Variants in NCK2 observed in about 807,000 individuals in gnomAD.
NCK2 encodes cytoplasmic protein NCK2.
In NCK2, 16 loss-of-function variants were observed where a neutral mutation model predicts 33.9. The ratio of observed to expected loss-of-function variants is 0.47; its 90% CI spans 0.32 to 0.72. NCK2 has a LOEUF of 0.72. Among genes scored for constraint, NCK2 ranks in the 30% least tolerant of loss-of-function variants. The pLI is 0.03. For missense variants in NCK2, 418 were observed against 537.3 expected, an observed-to-expected ratio of 0.78 and a Z score of 2.19; for synonymous variants, 273 against 239.9, an observed-to-expected ratio of 1.14 and a Z score of -1.27.
At chr2:105,751,397 C>CCTGA (rs1689451401) in intron 1 of NCK2, among the ~76,000 whole-genome samples, 1 of 151,962 alleles carries the variant, frequency 6.6e-6, no homozygotes, top group Non-Finnish European at 1.5e-5. Context: ...GTGACTGCAC[C>CCTGA]CTGACAGTCA....
intron 1 of NCK2, among the ~76,000 whole-genome samples, chr2:105,763,502 C>T (rs1371413930): frequency 1.3e-5 from 2 of 152,000 alleles, no homozygotes; most frequent in African/African-American, 4.8e-5. Context: ...TGGATAAAAG[C>T]CTAGTTGTTG....
intron 1 of NCK2, among the ~76,000 whole-genome samples, chr2:105,766,886 T>C (rs532646951): frequency 2.0e-5 from 3 of 152,246 alleles, no homozygotes; most frequent in Non-Finnish European, 2.9e-5. Flanking sequence ...ATTAGTTTAG[T>C]AACTGGCTGG....
intron 1 of NCK2, among the ~76,000 whole-genome samples, chr2:105,771,522 G>A (rs1171933345): frequency 6.6e-6 from 1 of 152,098 alleles, no homozygotes; most frequent in Admixed American, 6.5e-5. Context: ...CCGAGATTGG[G>A]CCACTGTACT....
chr2:105,776,304 A>C (rs1026393737), intron 1 of NCK2, among the ~76,000 whole-genome samples: 1 of 152,256 alleles, frequency 6.6e-6, no homozygotes, highest in East Asian at 1.9e-4. Context: ...CTTTATTTCT[A>C]TAAGTCCTCC....
At chr2:105,791,260 C>T (rs546386576) in intron 1 of NCK2, among the ~76,000 whole-genome samples, 1 of 152,292 alleles carries the variant, frequency 6.6e-6, no homozygotes, top group African/African-American at 2.4e-5. Context: ...TCTAGAGAAA[C>T]CTGAGGCAGT....
intron 1 of NCK2, among the ~76,000 whole-genome samples, chr2:105,758,490 A>T (rs1689664702): frequency 6.8e-6 from 1 of 147,532 alleles, no homozygotes; most frequent in Admixed American, 6.9e-5. Flanking sequence ...GGCTCACTGC[A>T]ACCTCTGTCC....
At chr2:105,847,069 G>A (rs981973212) in intron 2 of NCK2, 3 of 152,256 alleles carry the variant, frequency 2.0e-5, no homozygotes, top group Non-Finnish European at 4.4e-5. Context: ...ACAAATAGAC[G>A]GACAAGTGAT....
At chr2:105,824,184 C>T (rs1210151857) in intron 2 of NCK2, among the ~76,000 whole-genome samples, 1 of 150,598 alleles carries the variant, frequency 6.6e-6, no homozygotes, top group African/African-American at 2.5e-5. Flanking sequence ...GTGTGAGTGC[C>T]CCCTCCCTTT....
chr2:105,767,731 C>T (rs1309069817), intron 1 of NCK2, among the ~76,000 whole-genome samples: 1 of 152,178 alleles, frequency 6.6e-6, no homozygotes, highest in East Asian at 1.9e-4. Context: ...ATTGGAGTCC[C>T]TGCTTTGTCC....
At chr2:105,876,753 G>A (rs1395437216) in intron 3 of NCK2, among the ~76,000 whole-genome samples, 3 of 152,234 alleles carry the variant, frequency 2.0e-5, no homozygotes, top group Non-Finnish European at 1.5e-5. Flanking sequence ...TTTAATGAAA[G>A]ATGAGGCGAT....
intron 1 of NCK2, among the ~76,000 whole-genome samples, chr2:105,756,043 G>T (rs1689590625): frequency 6.6e-6 from 1 of 152,214 alleles, no homozygotes; most frequent in Non-Finnish European, 1.5e-5. Flanking sequence ...CTGCAAAGCT[G>T]CCTGTTACCT....
intron 2 of NCK2, among the ~76,000 whole-genome samples, chr2:105,825,084 G>T (rs1017291929): frequency 3.3e-5 from 5 of 152,168 alleles, no homozygotes; most frequent in Admixed American, 1.3e-4. Context: ...AGGTAGACAT[G>T]GCCTGGCTCC....
At chr2:105,782,729 C>G (rs1379563165) in intron 1 of NCK2, among the ~76,000 whole-genome samples, 1 of 152,202 alleles carries the variant, frequency 6.6e-6, no homozygotes, top group Non-Finnish European at 1.5e-5. Context: ...TGGGCTGCAG[C>G]TGCCTGTAGA....
At position 105,881,648 on chromosome 2, in the gene NCK2, C is replaced by T. The variant is rs1468183226; in HGVS notation, c.547C>T (p.Arg183Cys). 1.2e-6 allele frequency: 2 copies of T among 1,612,954 alleles called. No individual in the cohort carries two copies. The highest frequency in any genetic ancestry group is 1.3e-5 in the African/African-American group (1 of 74,938). Residue 183 changes from arginine to cysteine, a missense_variant, in exon 4 of 5, where the codon CGC becomes TGC. Coordinates refer to ENST00000233154, the MANE Select transcript of NCK2 (RefSeq NM_003581.5). ...AAESPSFLSL[R>C]KGASLSNGQG... is the part of the protein sequence containing the mutation. ...GGAGTCCCCAAGCTTCCTGAGCCTG[C>T]GCAAGGGCGCCTCGCTGAGCAATGG...
chr2:105,804,992 T>C (rs1674976088), intron 1 of NCK2, among the ~76,000 whole-genome samples: 2 of 152,184 alleles, frequency 1.3e-5, no homozygotes, highest in African/African-American at 4.8e-5. Context: ...TATTGAACCA[T>C]AAATGGGGGA....
At chr2:105,892,849 A>C in intron 4 of NCK2, 133 bp from the exon 5 acceptor site, 1 of 659,660 alleles carries the variant, frequency 1.5e-6, no homozygotes, top group Non-Finnish European at 2.4e-6. Context: ...CCATCTCAAA[A>C]AAAAAAAAAA....
intron 1 of NCK2, among the ~76,000 whole-genome samples, chr2:105,805,794 T>G (rs1174234943): frequency 6.6e-6 from 1 of 152,236 alleles, no homozygotes; most frequent in East Asian, 1.9e-4. Flanking sequence ...TAGGATTGAA[T>G]AATATTCTTG....
At chr2:105,746,749 AG>A (rs1479807041) in intron 1 of NCK2, among the ~76,000 whole-genome samples, 1 of 152,212 alleles carries the variant, frequency 6.6e-6, no homozygotes, top group East Asian at 1.9e-4. Flanking sequence ...AGTGAACACG[AG>A]GGAAAATCCT....
At chr2:105,872,663 A>C (rs1399792512) in intron 3 of NCK2, among the ~76,000 whole-genome samples, 2 of 152,246 alleles carry the variant, frequency 1.3e-5, no homozygotes, top group African/African-American at 4.8e-5. Context: ...CTCTGAAGAA[A>C]TGAAGAAAGA....
Sources: allele counts gnomAD v4.1 joint callset (sites outside exome capture counted in the v4.1 genomes callset), GRCh38; gene constraint gnomAD v4.1.1; transcripts MANE v1.5; gene names NCBI Gene and HGNC (gene_info 2026-07-23, HGNC 2026-07-21).